SCGB2B2: variants seen among roughly 807,000 people sequenced by gnomAD.
SCGB2B2 encodes the protein secretoglobin-like protein.
Under a neutral mutation model 7.6 loss-of-function variants are expected in SCGB2B2, and 11 were observed. The ratio of observed to expected loss-of-function variants is 1.45; its 90% CI spans 0.91 to 2.40. The LOEUF (loss-of-function observed/expected upper bound fraction) is 2.40. Among genes scored for constraint, SCGB2B2 ranks in the 30% most tolerant of loss-of-function variants. The pLI, the probability that SCGB2B2 is intolerant of heterozygous loss-of-function variation, is 0.00. For synonymous variants in SCGB2B2, 50 were observed against 48.6 expected, an observed-to-expected ratio of 1.03 and a Z score of -0.12; for missense variants, 104 against 115.4, an observed-to-expected ratio of 0.90 and a Z score of 0.45.
chr19:34,603,427 C>G (rs978328852), intron 1 of SCGB2B2, among the ~76,000 whole-genome samples: 18 of 152,234 alleles, frequency 1.2e-4, no homozygotes, highest in Non-Finnish European at 2.4e-4. Flanking sequence ...TCCTGACAGT[C>G]TTTTACATGG....
At chr19:34,655,278 C>T (rs1026290417) in intron 1 of SCGB2B2, among the ~76,000 whole-genome samples, 4 of 148,480 alleles carry the variant, frequency 2.7e-5, no homozygotes, top group Admixed American at 1.3e-4. Context: ...TTAACATCAA[C>T]ACAGACCTTA....
In SCGB2B2 at chr19:34,593,614, A is replaced by G; in HGVS notation, c.247-15T>C. 1 of 1,551,122 alleles carries G rather than the reference A, an allele frequency of 6.4e-7. No homozygotes were observed. Among genetic ancestry groups the G allele is most frequent in the Non-Finnish European group, 8.7e-7 (1 of 1,146,686 alleles). On this transcript the variant is annotated splice_polypyrimidine_tract_variant and intron_variant, in intron 3 of 3. Coordinates refer to ENST00000601241, the MANE Select transcript of SCGB2B2 (RefSeq NM_001025591.4). ...AGGATCTTCTTCTGTTGGAAAAAGAAGAAAGAGAGGAGCCGGTGGCCTCTG... is the reference window on the plus strand; with the variant it reads ...AGGATCTTCTTCTGTTGGAAAAAGAGGAAAGAGAGGAGCCGGTGGCCTCTG...
At chr19:34,603,232 T>C (rs951704531) in intron 1 of SCGB2B2, among the ~76,000 whole-genome samples, 2 of 152,146 alleles carry the variant, frequency 1.3e-5, no homozygotes, top group African/African-American at 4.8e-5. Flanking sequence ...GGGTGAGAGA[T>C]GTCCAGCAGC....
chr19:34,594,322 A>G lies in SCGB2B2; in HGVS notation c.99T>C (p.Asn33=), dbSNP rs1193082607. ...ACLDIDKLLA[N]VVFDVSQDLL... ...GGTCTTGGGACACATCAAACACAACATTCGCAAGCAGTTTATCGATATCCA... is the reference window on the plus strand; with the variant it reads ...GGTCTTGGGACACATCAAACACAACGTTCGCAAGCAGTTTATCGATATCCA... The change falls in exon 3 of 4, where the codon AAT becomes AAC. Residue 33 remains asparagine, a synonymous_variant. Coordinates refer to ENST00000601241, the MANE Select transcript of SCGB2B2 (RefSeq NM_001025591.4). The G allele has an allele frequency of 1.2e-6, 2 of 1,614,162 alleles. No individual in the cohort carries two copies. The highest frequency in any genetic ancestry group is 1.7e-6 in the Non-Finnish European group (2 of 1,180,014).
intron 1 of SCGB2B2, among the ~76,000 whole-genome samples, chr19:34,613,159 T>A (rs1012317263): frequency 2.0e-5 from 3 of 151,632 alleles, no homozygotes; most frequent in African/African-American, 7.3e-5. Context: ...AGTGCAGCGG[T>A]GCATTCTTGG....
chr19:34,653,327 T>C lies in SCGB2B2; in HGVS notation c.-2032+22303A>G, dbSNP rs1469941188. The stretch of plus-strand genomic sequence containing the variant: ...GGTGAGTGTAATATACAATTTATTG[T>C]ATATTTTCAAATACCTAGAAGAGCA... On this transcript the variant is annotated intron_variant, in intron 1 of 3. Transcript: ENST00000601241. 1.3e-5 allele frequency among the ~76,000 whole-genome samples: 2 copies of C among 151,140 alleles called. 1 individual carries two copies. Among genetic ancestry groups the C allele is most frequent in the African/African-American group, 4.9e-5 (2 of 40,446 alleles).
intron 1 of SCGB2B2, among the ~76,000 whole-genome samples, chr19:34,629,091 A>C (rs915861214): frequency 1.3e-5 from 2 of 151,980 alleles, no homozygotes; most frequent in Non-Finnish European, 2.9e-5. Context: ...AAAAACTCTC[A>C]ATAAACTAGG....
At chr19:34,640,009 T>G (rs2066796249) in intron 1 of SCGB2B2, among the ~76,000 whole-genome samples, 1 of 152,182 alleles carries the variant, frequency 6.6e-6, no homozygotes, top group African/African-American at 2.4e-5. Flanking sequence ...GGGAAAATCT[T>G]GGACTTTATG....
intron 1 of SCGB2B2, among the ~76,000 whole-genome samples, chr19:34,607,191 G>T (rs994712011): frequency 6.6e-6 from 1 of 152,162 alleles, no homozygotes; most frequent in Non-Finnish European, 1.5e-5. Flanking sequence ...TGTCCTACAG[G>T]TTCATCCGTA....
intron 1 of SCGB2B2, among the ~76,000 whole-genome samples, chr19:34,610,679 A>C (rs567325199): frequency 6.6e-6 from 1 of 151,592 alleles, no homozygotes; most frequent in East Asian, 1.9e-4. Flanking sequence ...ATCATGGTGA[A>C]TTAGCATTTT....
At chr19:34,644,350 G>GTT (rs76842372) in intron 1 of SCGB2B2, among the ~76,000 whole-genome samples, 150 of 120,690 alleles carry the variant, frequency 1.2e-3, no homozygotes, top group African/African-American at 4.1e-3. Context: ...TTGTTTTTTT[G>GTT]TTTTTTTTTT....
rs1378164446 is a variant in SCGB2B2, at chr19:34,595,453, A to AT, written c.-891dup. ...TGAGTCTCCTTTGTGCTCAAACAGC[A>AT]TAACTTTAACTTGTTGGAGAGTAGC... is the stretch of plus-strand genomic sequence containing the variant. On this transcript the variant is annotated 5_prime_UTR_variant, in exon 2 of 4. It adds an upstream start codon to the 5' untranslated region. Coordinates refer to ENST00000601241, the MANE Select transcript of SCGB2B2 (RefSeq NM_001025591.4). 6.5e-6 allele frequency: 1 copy of AT among 152,732 alleles called. No individual in the cohort carries two copies. Among genetic ancestry groups the AT allele is most frequent in the African/African-American group, 2.4e-5 (1 of 41,464 alleles). 9.5% of individuals were successfully genotyped at this position (152,732 alleles called of 1,614,324 possible).
intron 1 of SCGB2B2, among the ~76,000 whole-genome samples, chr19:34,643,954 G>A (rs2066918008): frequency 6.6e-6 from 1 of 152,120 alleles, no homozygotes; most frequent in Non-Finnish European, 1.5e-5. Flanking sequence ...AAAAAAGGCT[G>A]TACAAGAAGG....
At chr19:34,644,350 G>GTTTTTTTT (rs76842372) in intron 1 of SCGB2B2, among the ~76,000 whole-genome samples, 4 of 120,722 alleles carry the variant, frequency 3.3e-5, no homozygotes, top group Non-Finnish European at 5.3e-5. Flanking sequence ...TTGTTTTTTT[G>GTTTTTTTT]TTTTTTTTTT....
chr19:34,675,319 G>C (rs2146228176), intron 1 of SCGB2B2, among the ~76,000 whole-genome samples: 1 of 152,290 alleles, frequency 6.6e-6, no homozygotes, highest in African/African-American at 2.4e-5. Context: ...TCTAAGCCTT[G>C]AGAGGAAGCC....
intron 1 of SCGB2B2, among the ~76,000 whole-genome samples, chr19:34,620,998 T>C (rs1415423671): frequency 6.6e-6 from 1 of 151,606 alleles, no homozygotes; most frequent in South Asian, 2.1e-4. Context: ...ATTCAAGCTA[T>C]ATGCAAAAAA....
intron 1 of SCGB2B2, among the ~76,000 whole-genome samples, chr19:34,637,515 G>A (rs547032589): frequency 6.6e-6 from 1 of 152,168 alleles, no homozygotes; most frequent in East Asian, 1.9e-4. Flanking sequence ...GCATCACATC[G>A]CAGACAGACA....
intron 1 of SCGB2B2, among the ~76,000 whole-genome samples, chr19:34,609,655 T>C (rs2065877168): frequency 6.6e-6 from 1 of 152,160 alleles, no homozygotes; most frequent in Non-Finnish European, 1.5e-5. Context: ...TTCTGTGTTG[T>C]CTATTTAGTT....
intron 1 of SCGB2B2, among the ~76,000 whole-genome samples, chr19:34,633,334 A>G (rs1043701059): frequency 5.9e-5 from 9 of 152,214 alleles, no homozygotes; most frequent in Non-Finnish European, 1.2e-4. Context: ...GAATGTTGAT[A>G]GCAGCTTTAT....
Sources: gnomAD v4.1 joint callset for allele counts (sites outside exome capture counted in the v4.1 genomes callset) on GRCh38, gnomAD v4.1.1 for gene constraint, MANE v1.5 for transcripts, NCBI Gene and HGNC (gene_info 2026-07-23, HGNC 2026-07-21) for gene names.